The following GPC5 variants were observed in gnomAD, a reference collection of about 807,000 sequenced individuals.
GPC5 encodes the protein glypican 5, also known as glypican-5.
Under a neutral mutation model 53.9 loss-of-function variants are expected in GPC5, and 47 were observed. The observed-to-expected ratio is 0.87, with a 90% CI of 0.69 to 1.11. GPC5 has a LOEUF of 1.11. GPC5 is among the 50% of genes most tolerant of loss of function. The probability of loss-of-function intolerance (pLI) is 0.00; values close to 1 mark genes in which losing one functional copy is unlikely to be tolerated. For synonymous variants in GPC5, 286 were observed against 263.3 expected (o/e 1.09, Z -0.84); for missense variants, 748 against 713.1 (o/e 1.05, Z -0.56).
chr13:92,123,478 A>G (rs1165840344), intron 6 of GPC5, among the ~76,000 whole-genome samples: 1 of 152,206 alleles, frequency 6.6e-6, no homozygotes, highest in Non-Finnish European at 1.5e-5. Flanking sequence ...GTTTATTACA[A>G]ATTTTACAGG....
chr13:91,493,962 C>T (rs1437327373), intron 2 of GPC5, among the ~76,000 whole-genome samples: 1 of 152,116 alleles, frequency 6.6e-6, no homozygotes, highest in Non-Finnish European at 1.5e-5. Context: ...CAACCTCCGC[C>T]TCCCTGGTTC....
chr13:92,771,583 T>C (rs1875618037), intron 7 of GPC5, among the ~76,000 whole-genome samples: 1 of 152,100 alleles, frequency 6.6e-6, no homozygotes, highest in South Asian at 2.1e-4. Flanking sequence ...GACCTCGTGA[T>C]CCACCTGCCT....
intron 6 of GPC5, among the ~76,000 whole-genome samples, chr13:91,983,446 G>A (rs1470856770): frequency 2.0e-5 from 3 of 152,092 alleles, no homozygotes; most frequent in African/African-American, 7.2e-5. Context: ...TTAGAAAGCA[G>A]AGGCTGATGC....
At chr13:92,213,540 T>G (rs2139077528) in intron 7 of GPC5, among the ~76,000 whole-genome samples, 1 of 152,288 alleles carries the variant, frequency 6.6e-6, no homozygotes, top group South Asian at 2.1e-4. Flanking sequence ...AACTTCTGCC[T>G]TTGCCCCTGA....
chr13:91,939,933 A>C (rs192317149), intron 6 of GPC5, among the ~76,000 whole-genome samples: 2 of 152,118 alleles, frequency 1.3e-5, no homozygotes, highest in African/African-American at 2.4e-5. Context: ...GTTCCACCAC[A>C]TCTCTTTTGG....
rs368966435 is a variant in GPC5, at chr13:92,390,106, GA to G, written c.1561+245124del. ...ACCATAGGTGGTCAAGAACGAGAGA[GA>G]AAAAAATAATTTACAGTGCAAACCA... On this transcript the variant is annotated intron_variant, in intron 7 of 7. Transcript: ENST00000377067. 1.9e-3 allele frequency among the ~76,000 whole-genome samples: 284 copies of G among 152,122 alleles called. 2 individuals are homozygous for G. Among genetic ancestry groups the G allele is most frequent in the African/African-American group, 6.6e-3 (273 of 41,532 alleles).
rs567621832 is a variant in GPC5, at chr13:91,399,975, C to A, written c.163+766C>A. On this transcript the variant is annotated intron_variant, in intron 1 of 7. Coordinates refer to ENST00000377067, the MANE Select transcript of GPC5 (RefSeq NM_004466.6). ...GCGTGGATCTTGCTTCCTGTGAGCGCCTTTTGCCTGTGCTTTCGAACCCTG... is the reference window on the plus strand; with the variant it reads ...GCGTGGATCTTGCTTCCTGTGAGCGACTTTTGCCTGTGCTTTCGAACCCTG... Among the ~76,000 whole-genome samples, 7 of 152,276 alleles carry A rather than the reference C, an allele frequency of 4.6e-5. No individual in the cohort carries two copies. The South Asian group carries it at 1.2e-3, about 27-fold the overall frequency.
intron 2 of GPC5, among the ~76,000 whole-genome samples, chr13:91,653,476 C>T (rs1566583952): frequency 1.3e-5 from 2 of 152,068 alleles, no homozygotes; most frequent in South Asian, 4.2e-4. Flanking sequence ...AAACAGGGTG[C>T]CTATGGTCAA....
At chr13:92,668,271 C>T (rs1287729024) in intron 7 of GPC5, among the ~76,000 whole-genome samples, 2 of 151,976 alleles carry the variant, frequency 1.3e-5, no homozygotes, top group Non-Finnish European at 1.5e-5. Flanking sequence ...AATGCATCAT[C>T]CTAAGGCAGT....
intron 2 of GPC5, among the ~76,000 whole-genome samples, chr13:91,551,276 A>T (rs1266894199): frequency 2.0e-5 from 3 of 152,132 alleles, no homozygotes; most frequent in Non-Finnish European, 2.9e-5. Context: ...TCAGAGTGAA[A>T]TGGAAAATTG....
intron 7 of GPC5, among the ~76,000 whole-genome samples, chr13:92,452,568 CCAAAAAAAA>C (rs939099055): frequency 2.6e-5 from 3 of 114,756 alleles, no homozygotes; most frequent in Non-Finnish European, 6.0e-5. Flanking sequence ...AATGATTACT[CCAAAAAAAA>C]CAAAAAAAAC....
intron 7 of GPC5, among the ~76,000 whole-genome samples, chr13:92,323,063 A>G (rs1026811962): frequency 2.4e-4 from 37 of 151,678 alleles, no homozygotes; most frequent in African/African-American, 8.7e-4. Flanking sequence ...TCTATATTAT[A>G]TAATCTATAT....
chr13:92,070,281 G>T (rs753031451), intron 6 of GPC5, among the ~76,000 whole-genome samples: 2 of 152,146 alleles, frequency 1.3e-5, no homozygotes, highest in African/African-American at 2.4e-5. Context: ...TTTCCTCAGA[G>T]CCTCCAATAA....
At chr13:91,657,561 A>T (rs1026718184) in intron 2 of GPC5, among the ~76,000 whole-genome samples, 3 of 152,126 alleles carry the variant, frequency 2.0e-5, no homozygotes, top group Non-Finnish European at 4.4e-5. Context: ...ACAACAAAAA[A>T]ATTATCCCAC....
chr13:92,170,018 CAGG>C (rs1566467513), intron 7 of GPC5, among the ~76,000 whole-genome samples: 2 of 151,926 alleles, frequency 1.3e-5, no homozygotes, highest in Middle Eastern at 3.5e-3. Context: ...ATGGAATAAA[CAGG>C]AGAAATTTTA....
intron 2 of GPC5, 139 bp downstream of exon 2, chr13:91,449,061 T>C (rs1416877931): frequency 2.1e-6 from 2 of 953,058 alleles, no homozygotes; most frequent in Non-Finnish European, 3.1e-6. Context: ...TTTTAACTTT[T>C]TCTAGCCTTC....
At chr13:92,309,784 A>T (rs1204289245) in intron 7 of GPC5, among the ~76,000 whole-genome samples, 2 of 152,090 alleles carry the variant, frequency 1.3e-5, no homozygotes, top group African/African-American at 4.8e-5. Flanking sequence ...AGCAATTTGC[A>T]AGTGCACAAT....
chr13:92,279,689 T>C (rs906465011), intron 7 of GPC5, among the ~76,000 whole-genome samples: 3 of 152,028 alleles, frequency 2.0e-5, no homozygotes, highest in African/African-American at 7.2e-5. Context: ...TCATGAGTTT[T>C]CCTTGGTTCT....
At chr13:91,441,971 A>G (rs984840285) in intron 1 of GPC5, among the ~76,000 whole-genome samples, 1 of 152,212 alleles carries the variant, frequency 6.6e-6, no homozygotes, top group Admixed American at 6.5e-5. Context: ...TCTACCATCA[A>G]TAAAGCTAAC....
Sources: gnomAD v4.1 joint callset for allele counts (sites outside exome capture counted in the v4.1 genomes callset) on GRCh38, gnomAD v4.1.1 for gene constraint, MANE v1.5 for transcripts, NCBI Gene and HGNC (gene_info 2026-07-23, HGNC 2026-07-21) for gene names.